Variants in ZAN observed in about 807,000 individuals in gnomAD.
The protein encoded by ZAN is zonadhesin (gene/pseudogene).
In ZAN, 260 loss-of-function variants were observed where a neutral mutation model predicts 286.2. The observed-to-expected ratio is 0.91, with a 90% CI of 0.82 to 1.01. The LOEUF is 1.01. Ranked by LOEUF, ZAN falls within the 50% of genes least tolerant of loss-of-function variation. The pLI, the probability that ZAN is intolerant of heterozygous loss-of-function variation, is 0.00. For synonymous variants in ZAN, 1,368 were observed against 1,417.5 expected (o/e 0.97, Z 0.79); for missense variants, 3,410 against 3,639.2 (o/e 0.94, Z 1.62).
rs927501054 is a variant in ZAN, at chr7:100,773,810, C to A, written c.5724C>A (p.Cys1908Ter). 5 of 1,611,712 alleles carry A rather than the reference C, an allele frequency of 3.1e-6. No homozygotes were observed. The African/African-American group carries it at 4.0e-5, about 13-fold the overall frequency. Residue 1908 changes from cysteine to a stop codon, truncating the protein, a stop_gained, in exon 31 of 48, where the codon TGC becomes TGA. Coordinates refer to ENST00000613979, the MANE Select transcript of ZAN (RefSeq NM_003386.3). LOFTEE classifies it high-confidence loss of function. ...ACATCACCTGCTTCCAGAGCACCTG[C>A]AAACCCAACCAGATATGCTGGGCCC... ...HNNITCFQSTCKPNQICWALD... is the reference protein window; with the variant it reads ...HNNITCFQST
chr7:100,758,570 A>T lies in ZAN; in HGVS notation c.3491A>T (p.Tyr1164Phe), dbSNP rs375765058. Reference sequence around the variant, plus strand: ...TGCTTGGTCTACGGAGACCCTCATTATGTCACCTTTGACGGGAGGCACTTT... The same window carrying T: ...TGCTTGGTCTACGGAGACCCTCATTTTGTCACCTTTGACGGGAGGCACTTT... ...ATCLVYGDPH[Y>F]VTFDGRHFGF... is the part of the protein sequence containing the mutation. The change falls in exon 17 of 48, where the codon TAT (tyrosine) becomes TTT (phenylalanine). Residue 1164 changes from tyrosine (Y) to phenylalanine (F), a missense_variant. By Grantham distance (22) the Tyr-to-Phe change is conservative. Transcript: ENST00000613979. 1.1e-5 allele frequency: 18 copies of T among 1,565,924 alleles called. No homozygotes were observed. Among genetic ancestry groups the T allele is most frequent in the Non-Finnish European group, 1.5e-5 (17 of 1,155,310 alleles).
chr7:100,746,781 A>G, intron 8 of ZAN, 79 bp downstream of exon 8: 1 of 1,511,482 alleles, frequency 6.6e-7, no homozygotes, highest in Non-Finnish European at 9.1e-7. Flanking sequence ...AACATGGGGC[A>G]TCCCTCAGGG....
chr7:100,773,694 G>A, intron 30 of ZAN, 27 bp from the exon 31 acceptor site: 2 of 1,599,146 alleles, frequency 1.3e-6, no homozygotes, highest in Non-Finnish European at 1.7e-6. Flanking sequence ...ACTTTCTGTT[G>A]GCTCAGCTGA....
rs756386267 is a variant in ZAN at position 100,784,685 on chromosome 7, T to C, written c.6685T>C (p.Trp2229Arg). The change falls in exon 36 of 48, where the codon TGG (tryptophan) becomes CGG (arginine). Residue 2229 changes from tryptophan (W) to arginine (R), a missense_variant. Physicochemically the swap from Trp to Arg is moderately radical, Grantham distance 101 (BLOSUM62 -3). Around this residue, in one of 7 missense-constraint regions of ZAN, gnomAD observed 1,289 missense variants for 1,314.3 expected, o/e 0.98. Coordinates refer to ENST00000613979, the MANE Select transcript of ZAN (RefSeq NM_003386.3). ...NCLPSCSPSCWDLDGRCEGAK... is the reference protein window; with the variant it reads ...NCLPSCSPSCRDLDGRCEGAK... ...CCTTCCCTCCTGCTCACCCTCCTGC[T>C]GGGACCTGGATGGCCGGTGTGAGGG... is the stretch of plus-strand genomic sequence containing the variant. The C allele has an allele frequency of 6.2e-7, 1 of 1,613,856 alleles. No homozygotes were observed. Among genetic ancestry groups the C allele is most frequent in the African/African-American group, 1.3e-5 (1 of 74,922 alleles).
chr7:100,776,583 C>A lies in ZAN; in HGVS notation c.6317+19C>A. 1 of 1,503,884 alleles carries A rather than the reference C, an allele frequency of 6.6e-7. No individual in the cohort carries two copies. The highest frequency in any genetic ancestry group is 1.3e-5 in the South Asian group (1 of 78,112). The allele number at this position is 1,503,884 out of a possible 1,614,324, so 93.2% of individuals were successfully genotyped here. ...ACCCAAGGTAGTGGTCCCCTAAGAC[C>A]CTCTAGGTTTTCTTTCTTTTTCTTT... is the stretch of plus-strand genomic sequence containing the variant. On this transcript the variant is annotated intron_variant, in intron 34 of 47. Coordinates refer to ENST00000613979, the MANE Select transcript of ZAN (RefSeq NM_003386.3).
intron 7 of ZAN, among the ~76,000 whole-genome samples, chr7:100,746,047 A>T (rs1808193861): frequency 6.6e-6 from 1 of 151,656 alleles, no homozygotes; most frequent in African/African-American, 2.4e-5. Context: ...AATGTGGTGA[A>T]ACCCTATCTT....
Position 100,792,098 on chromosome 7 carries a change from G to A in ZAN, c.7662G>A (p.Gln2554=), listed in dbSNP as rs781246138. ...TQACRVLADP[Q]GPFAACHQTV... is the part of the protein sequence containing the mutation. ...CCTGTAGGGTGCTGGCAGACCCCCA[G>A]GGCCCCTTTGCTGCCTGTCACCAGA... The change falls in exon 41 of 48, where the codon CAG becomes CAA. Residue 2554 remains glutamine, a synonymous_variant. Transcript: ENST00000613979. 1.2e-6 allele frequency: 2 copies of A among 1,612,818 alleles called. No homozygotes were observed. Among genetic ancestry groups the A allele is most frequent in the East Asian group, 2.2e-5 (1 of 44,856 alleles).
rs763484483 is a variant in ZAN at position 100,736,561 on chromosome 7, A to C, written c.185A>C (p.Asp62Ala). The C allele has an allele frequency of 6.6e-7, 1 of 1,523,022 alleles. No individual in the cohort carries two copies. Among genetic ancestry groups the C allele is most frequent in the Non-Finnish European group, 9.0e-7 (1 of 1,107,556 alleles). The allele number at this position is 1,523,022 out of a possible 1,614,324, so 94.3% of individuals were successfully genotyped here. Residue 62 changes from aspartate to alanine, a missense_variant, in exon 4 of 48, where the codon GAC (aspartate) becomes GCC (alanine). This residue lies in a region of ZAN where 872 missense variants were observed against 938.9 expected (regional missense o/e 0.93). Coordinates refer to ENST00000613979, the MANE Select transcript of ZAN (RefSeq NM_003386.3). ...DWSQVSADDE[D>A]WVRASGPSPT... ...TCCCAAGTGTCCGCAGACGATGAAG[A>C]CTGGGTTCGAGCCAGTGGGCCCTCT...
Position 100,736,996 on chromosome 7 carries a change from G to C in ZAN, c.441G>C (p.Val147=). 2.0e-6 allele frequency: 3 copies of C among 1,502,652 alleles called. 1 individual carries two copies. Among genetic ancestry groups the C allele is most frequent in the Non-Finnish European group, 2.7e-6 (3 of 1,097,596 alleles). 93.1% of individuals were successfully genotyped at this position (1,502,652 alleles called of 1,614,324 possible). ...GTGAAGAGGGCCGCCGCCCCGATGT[G>C]CTCTGGAAACACTGGAACACCCAGA... The part of the protein sequence containing the change: ...LSGEEGRRPD[V]LWKHWNTQRP... The change falls in exon 5 of 48, where the codon GTG becomes GTC. Residue 147 remains valine (V), a synonymous_variant. Coordinates refer to ENST00000613979, the MANE Select transcript of ZAN (RefSeq NM_003386.3).
At chr7:100,742,965 G>A (rs1355122798) in intron 7 of ZAN, among the ~76,000 whole-genome samples, 1 of 124,152 alleles carries the variant, frequency 8.1e-6, no homozygotes, top group Admixed American at 8.1e-5. Context: ...ACAGGCAAGG[G>A]TCGATGCAGA....
intron 12 of ZAN, 129 bp from the exon 13 acceptor site, chr7:100,751,053 G>C: frequency 7.3e-7 from 1 of 1,369,262 alleles, no homozygotes; most frequent in Non-Finnish European, 9.8e-7. Flanking sequence ...GCCGGGATGG[G>C]GCTGGACTGT....
At chr7:100,745,987 G>T (rs1262235528) in intron 7 of ZAN, among the ~76,000 whole-genome samples, 1 of 152,032 alleles carries the variant, frequency 6.6e-6, no homozygotes, top group African/African-American at 2.4e-5. Flanking sequence ...ACTTTGGGAA[G>T]CCAAGGTGCG....
chr7:100,764,401 A>C (rs1809806934), intron 22 of ZAN, among the ~76,000 whole-genome samples: 1 of 152,212 alleles, frequency 6.6e-6, no homozygotes, highest in South Asian at 2.1e-4. Flanking sequence ...AGGCTGAGGC[A>C]GGAGAATCGC....
At chr7:100,789,410 T>A in intron 39 of ZAN, 63 bp downstream of exon 39, 1 of 1,591,134 alleles carries the variant, frequency 6.3e-7, no homozygotes. Context: ...GGGAAAATCC[T>A]ATTTAAGACA....
intron 35 of ZAN, among the ~76,000 whole-genome samples, chr7:100,782,674 GTTT>G (rs149599755): frequency 7.0e-5 from 8 of 113,856 alleles, no homozygotes; most frequent in South Asian, 3.1e-4. Flanking sequence ...ATTTAAGTGG[GTTT>G]TTTTTGTGTG....
In ZAN at chr7:100,779,520, C is replaced by T. The variant is rs200209772; in HGVS notation, c.6392C>T (p.Ala2131Val). ...QQENPSGNCR[A>V]ADLRRAREKC... ...GAGAACCCGAGTGGAAACTGCAGGG[C>T]GGCCGACCTCCGCAGGGCGCGGGAA... The change falls in exon 35 of 48, where the codon GCG (alanine) becomes GTG (valine). Residue 2131 changes from alanine to valine, a missense_variant. Ala to Val is a moderately conservative substitution (Grantham distance 64, BLOSUM62 0). Around this residue, in one of 7 missense-constraint regions of ZAN, gnomAD observed 1,289 missense variants for 1,314.3 expected, o/e 0.98. Coordinates refer to ENST00000613979, the MANE Select transcript of ZAN (RefSeq NM_003386.3). 2.4e-5 allele frequency: 39 copies of T among 1,612,486 alleles called. No individual in the cohort carries two copies. The East Asian group carries it at 2.5e-4, about 10-fold the overall frequency.
intron 39 of ZAN, 139 bp downstream of exon 39, chr7:100,789,486 G>A (rs1811795497): frequency 2.9e-6 from 4 of 1,362,942 alleles, no homozygotes; most frequent in African/African-American, 2.9e-5. Flanking sequence ...GGACCAGGAG[G>A]AGGTGAGGTG....
At chr7:100,738,384 C>G in intron 6 of ZAN, 77 bp from the exon 7 acceptor site, 1 of 1,313,276 alleles carries the variant, frequency 7.6e-7, no homozygotes, top group South Asian at 1.3e-5. Flanking sequence ...CACCACTGTA[C>G]TCTAGCCTGG....
chr7:100,791,711 T>C (rs1273686456), intron 40 of ZAN, among the ~76,000 whole-genome samples: 1 of 151,612 alleles, frequency 6.6e-6, no homozygotes, highest in Non-Finnish European at 1.5e-5. Flanking sequence ...CCAGCCCCAG[T>C]AGTTCTTATT....
Sources: gnomAD v4.1 joint callset for allele counts (sites outside exome capture counted in the v4.1 genomes callset) on GRCh38, gnomAD v4.1.1 for gene constraint, gnomAD v4.1.1 regional missense constraint, MANE v1.5 for transcripts, NCBI Gene and HGNC (gene_info 2026-07-23, HGNC 2026-07-21) for gene names.